CSMD1: variants seen among roughly 807,000 people sequenced by gnomAD.
The protein encoded by CSMD1 is CUB and Sushi multiple domains 1.
Under a neutral mutation model 417.5 loss-of-function variants are expected in CSMD1, and 213 were observed. That is an observed-to-expected ratio of 0.51 (90% CI 0.46 to 0.57). CSMD1 has a LOEUF of 0.57. Among genes scored for constraint, CSMD1 ranks in the 20% least tolerant of loss-of-function variants. CSMD1 has a pLI of 0.00. For missense variants in CSMD1, 6,923 were observed against 4,529.7 expected (o/e 1.53, Z -15.17); for synonymous variants, 2,862 against 1,736.8 (o/e 1.65, Z -16.11).
rs147647468 is a variant in CSMD1 at position 4,740,806 on chromosome 8, G to C, written c.86-103248C>G. Among the ~76,000 whole-genome samples the C allele has an allele frequency of 3.2e-4, 49 of 152,208 alleles. 1 individual carries two copies. In the East Asian group the frequency reaches 7.7e-3, roughly 24 times the overall value. Reference sequence around the variant, plus strand: ...GTATATTTTCAAAGCACAGGTATAGGATATCCTACTGAAGTTTCAGGATGA... The same window carrying C: ...GTATATTTTCAAAGCACAGGTATAGCATATCCTACTGAAGTTTCAGGATGA... On this transcript the variant is annotated intron_variant, in intron 1 of 69. Coordinates refer to ENST00000635120, the MANE Select transcript of CSMD1 (RefSeq NM_033225.6).
chr8:3,606,962 A>G (rs1034576657), intron 8 of CSMD1, among the ~76,000 whole-genome samples: 1 of 152,048 alleles, frequency 6.6e-6, no homozygotes, highest in African/African-American at 2.4e-5. Context: ...TGCCCACCTC[A>G]GCCTCCCAAA....
At chr8:3,614,346 A>C (rs911280695) in intron 8 of CSMD1, among the ~76,000 whole-genome samples, 1 of 151,776 alleles carries the variant, frequency 6.6e-6, no homozygotes, top group African/African-American at 2.4e-5. Context: ...TTCTCCCTAC[A>C]CCGCCCCCCG....
intron 10 of CSMD1, among the ~76,000 whole-genome samples, chr8:3,554,736 C>A (rs1391750909): frequency 6.6e-6 from 1 of 152,298 alleles, no homozygotes; most frequent in East Asian, 1.9e-4. Flanking sequence ...AGAACTTCCA[C>A]AGAGGGTCAA....
rs927659464 is a variant in CSMD1, at chr8:4,768,850, G to C, written c.86-131292C>G. ...AGTTATTATTCATATGGGAAGGGGA[G>C]GTGGCTGAGACATGACTTCCACTTC... On this transcript the variant is annotated intron_variant, in intron 1 of 69. Coordinates refer to ENST00000635120, the MANE Select transcript of CSMD1 (RefSeq NM_033225.6). Among the ~76,000 whole-genome samples the C allele has an allele frequency of 1.7e-4, 26 of 152,140 alleles. 1 individual carries two copies. Among genetic ancestry groups the C allele is most frequent in the Admixed American group, 1.7e-3 (26 of 15,260 alleles).
At chr8:4,269,659 C>G (rs1390575468) in intron 3 of CSMD1, among the ~76,000 whole-genome samples, 1 of 152,086 alleles carries the variant, frequency 6.6e-6, no homozygotes, top group East Asian at 1.9e-4. Context: ...ATCAGGTTGC[C>G]TGATCCAAAA....
At chr8:3,863,488 A>C (rs1353142623) in intron 5 of CSMD1, among the ~76,000 whole-genome samples, 1 of 152,034 alleles carries the variant, frequency 6.6e-6, no homozygotes, top group African/African-American at 2.4e-5. Flanking sequence ...CCCTGCCTCT[A>C]AATACGAACC....
intron 2 of CSMD1, among the ~76,000 whole-genome samples, chr8:4,583,839 C>A (rs562094736): frequency 6.6e-6 from 1 of 152,096 alleles, no homozygotes; most frequent in Admixed American, 6.5e-5. Flanking sequence ...ACTCGTGTCC[C>A]CTTCCACACT....
At chr8:3,511,226 G>A (rs764229343) in intron 10 of CSMD1, among the ~76,000 whole-genome samples, 6 of 151,726 alleles carry the variant, frequency 4.0e-5, no homozygotes, top group Non-Finnish European at 8.8e-5. Context: ...ACCAGGGCCT[G>A]TTGGGGGGTG....
At chr8:3,836,539 G>A (rs1410234548) in intron 5 of CSMD1, among the ~76,000 whole-genome samples, 1 of 152,072 alleles carries the variant, frequency 6.6e-6, no homozygotes, top group Admixed American at 6.6e-5. Context: ...CAAGAACTAG[G>A]ATGGAGTGAG....
In CSMD1 at chr8:3,087,247, C is replaced by T; in HGVS notation, c.7324G>A (p.Gly2442Ser). The change falls in exon 49 of 70, where the codon GGT (glycine) becomes AGT (serine). Residue 2442 changes from glycine (G) to serine (S), a missense_variant. Transcript: ENST00000635120. ...CSLTHPLKNGGILNRTAGAVG... is the reference protein window; with the variant it reads ...CSLTHPLKNGSILNRTAGAVG... ...GCTCCTGCAGTCCTGTTTAGAATAC[C>T]CCCATTCTTCAGGGGGTGGGTCAAA... 1 of 1,613,932 alleles carries T rather than the reference C, an allele frequency of 6.2e-7. No individual in the cohort carries two copies. Among genetic ancestry groups the T allele is most frequent in the Middle Eastern group, 1.7e-4 (1 of 6,050 alleles).
intron 2 of CSMD1, among the ~76,000 whole-genome samples, chr8:4,600,868 C>T (rs918473950): frequency 3.3e-5 from 5 of 151,876 alleles, no homozygotes; most frequent in African/African-American, 9.7e-5. Flanking sequence ...GTTTGCTTAT[C>T]GCCACATTTA....
At chr8:4,636,107 AT>A (rs1001751030) in intron 2 of CSMD1, among the ~76,000 whole-genome samples, 3 of 151,964 alleles carry the variant, frequency 2.0e-5, no homozygotes, top group African/African-American at 7.3e-5. Flanking sequence ...TTCTGTAGAG[AT>A]TTTTTTCTCA....
chr8:4,146,953 A>G (rs1804173437), intron 3 of CSMD1, among the ~76,000 whole-genome samples: 1 of 144,258 alleles, frequency 6.9e-6, no homozygotes, highest in Non-Finnish European at 1.5e-5. Flanking sequence ...CCTCACCGGC[A>G]TCAGGCATCT....
In CSMD1 at chr8:2,938,569, G is replaced by T. The variant is rs1349103908; in HGVS notation, c.*16C>A. The T allele has an allele frequency of 1.2e-6, 2 of 1,606,848 alleles. No homozygotes were observed. Among genetic ancestry groups the T allele is most frequent in the Admixed American group, 1.7e-5 (1 of 59,242 alleles). On this transcript the variant is annotated 3_prime_UTR_variant, in exon 70 of 70. Coordinates refer to ENST00000635120, the MANE Select transcript of CSMD1 (RefSeq NM_033225.6). ...AGAGGTATGGCTATGAATCAGTCCTGTTGGGGCACTGAGGGCTATACCACT... is the reference window on the plus strand; with the variant it reads ...AGAGGTATGGCTATGAATCAGTCCTTTTGGGGCACTGAGGGCTATACCACT...
intron 3 of CSMD1, among the ~76,000 whole-genome samples, chr8:4,218,040 C>T (rs1399902139): frequency 6.6e-6 from 1 of 152,180 alleles, no homozygotes; most frequent in Non-Finnish European, 1.5e-5. Flanking sequence ...TGATGGGTTT[C>T]TGGCAGTGGC....
At chr8:4,815,989 T>A (rs931357944) in intron 1 of CSMD1, among the ~76,000 whole-genome samples, 1 of 151,940 alleles carries the variant, frequency 6.6e-6, no homozygotes, top group South Asian at 2.1e-4. Flanking sequence ...ATTCCAGAAA[T>A]GAAAAGTACA....
chr8:3,469,475 G>A (rs1816963776), intron 11 of CSMD1, among the ~76,000 whole-genome samples: 1 of 152,188 alleles, frequency 6.6e-6, no homozygotes, highest in Non-Finnish European at 1.5e-5. Context: ...GAGTTTCAAT[G>A]AAGCATTCAT....
intron 5 of CSMD1, among the ~76,000 whole-genome samples, chr8:3,849,311 G>C (rs946500701): frequency 1.3e-5 from 2 of 152,158 alleles, no homozygotes; most frequent in East Asian, 1.9e-4. Flanking sequence ...GACTGGGAAG[G>C]AAGTTTCTGC....
rs547905692 is a variant in CSMD1 at position 4,896,818 on chromosome 8, C to T, written c.85+97514G>A. Among the ~76,000 whole-genome samples, 12 of 151,996 alleles carry T rather than the reference C, an allele frequency of 7.9e-5. No individual in the cohort carries two copies. The East Asian group carries it at 2.3e-3, about 29-fold the overall frequency. On this transcript the variant is annotated intron_variant, in intron 1 of 69. Transcript: ENST00000635120. ...GGGTAGGGCGGGGGGAAGTGCAGGG[C>T]TATCCAGTGAGAGCCGGAGCCACGG...
Sources: allele counts gnomAD v4.1 joint callset (sites outside exome capture counted in the v4.1 genomes callset), GRCh38; gene constraint gnomAD v4.1.1; transcripts MANE v1.5; gene names NCBI Gene and HGNC (gene_info 2026-07-23, HGNC 2026-07-21).